EBF1: variants seen among roughly 807,000 people sequenced by gnomAD.
EBF1 encodes transcription factor COE1.
EBF1 carries 10 observed loss-of-function variants against 68.4 expected under a neutral mutation model. The ratio of observed to expected loss-of-function variants is 0.15; its 90% CI spans 0.09 to 0.25. The LOEUF is 0.25. Among genes scored for constraint, EBF1 ranks in the 10% least tolerant of loss-of-function variants. EBF1 has a pLI of 1.00. For missense variants in EBF1, 509 were observed against 794.4 expected (o/e 0.64, Z 4.32); for synonymous variants, 298 against 299.8 (o/e 0.99, Z 0.06).
chr5:158,713,507 C>T (rs1300046617), intron 12 of EBF1, among the ~76,000 whole-genome samples: 2 of 152,164 alleles, frequency 1.3e-5, no homozygotes, highest in African/African-American at 2.4e-5. Flanking sequence ...TTCCCAATAA[C>T]ATGTAGGAAG....
chr5:158,979,679 GA>G (rs142047197), intron 6 of EBF1, among the ~76,000 whole-genome samples: 44,791 of 144,818 alleles, frequency 0.31, 7,453 homozygotes, highest in South Asian at 0.53. Flanking sequence ...AATTTTTAAG[GA>G]AAAAAAAAAA....
chr5:158,974,752 A>G (rs1177427022), intron 6 of EBF1, among the ~76,000 whole-genome samples: 2 of 152,240 alleles, frequency 1.3e-5, no homozygotes. Flanking sequence ...TTAAGGAGAA[A>G]AAACAGCAAC....
intron 5 of EBF1, among the ~76,000 whole-genome samples, chr5:159,077,617 C>T (rs1006211231): frequency 3.3e-5 from 5 of 151,944 alleles, no homozygotes; most frequent in African/African-American, 9.7e-5. Flanking sequence ...GAGCCTGGCA[C>T]ACAGTATGCC....
intron 6 of EBF1, among the ~76,000 whole-genome samples, chr5:159,029,957 TAA>T (rs541130625): frequency 7.5e-6 from 1 of 132,646 alleles, no homozygotes. Flanking sequence ...AAACTCCTTC[TAA>T]AAAAAAAAAA....
At chr5:158,816,496 A>G (rs2127821707) in intron 8 of EBF1, among the ~76,000 whole-genome samples, 1 of 152,388 alleles carries the variant, frequency 6.6e-6, no homozygotes, top group South Asian at 2.1e-4. Context: ...AGAGTGAAAG[A>G]AATGACCTTC....
intron 6 of EBF1, among the ~76,000 whole-genome samples, chr5:159,060,915 G>C (rs2127866788): frequency 6.9e-6 from 1 of 145,430 alleles, no homozygotes; most frequent in Non-Finnish European, 1.5e-5. Flanking sequence ...TCTAGATTTA[G>C]AGAGGGTTAA....
intron 6 of EBF1, among the ~76,000 whole-genome samples, chr5:158,916,209 T>C (rs563523166): frequency 1.1e-4 from 16 of 152,280 alleles, no homozygotes; most frequent in African/African-American, 3.9e-4. Flanking sequence ...CCTTGAAACC[T>C]TAGTCAGGAT....
intron 10 of EBF1, among the ~76,000 whole-genome samples, chr5:158,746,307 T>C (rs1277898421): frequency 2.6e-5 from 4 of 152,206 alleles, no homozygotes; most frequent in African/African-American, 9.6e-5. Context: ...AGAACTCTTA[T>C]ACCCAGAAGG....
intron 6 of EBF1, among the ~76,000 whole-genome samples, chr5:158,911,993 T>C (rs1379253702): frequency 6.6e-6 from 1 of 152,180 alleles, no homozygotes; most frequent in African/African-American, 2.4e-5. Flanking sequence ...TGCTCTCTCT[T>C]CCATTTCTCC....
At chr5:158,752,327 CA>C (rs199938065) in intron 10 of EBF1, among the ~76,000 whole-genome samples, 5,579 of 104,882 alleles carry the variant, frequency 0.053, 92 homozygotes, top group Middle Eastern at 0.11. Flanking sequence ...GTATTTATTC[CA>C]AAAAAAAAAA....
At chr5:158,849,954 G>A (rs539996323) in intron 6 of EBF1, among the ~76,000 whole-genome samples, 5 of 152,208 alleles carry the variant, frequency 3.3e-5, no homozygotes, top group Non-Finnish European at 7.3e-5. Flanking sequence ...AATGTGAACA[G>A]TTAAGAGCTA....
chr5:158,748,492 A>G (rs533564370), intron 10 of EBF1, among the ~76,000 whole-genome samples: 5 of 152,282 alleles, frequency 3.3e-5, no homozygotes, highest in East Asian at 1.9e-4. Context: ...TTGAATGCAC[A>G]TATCAGTTAA....
intron 7 of EBF1, among the ~76,000 whole-genome samples, chr5:158,838,230 G>T (rs1460545945): frequency 1.3e-5 from 2 of 152,082 alleles, no homozygotes; most frequent in African/African-American, 2.4e-5. Flanking sequence ...CAGATCACAA[G>T]GTCAGGAGAT....
chr5:158,876,606 A>G (rs570799765), intron 6 of EBF1, among the ~76,000 whole-genome samples: 1 of 152,328 alleles, frequency 6.6e-6, no homozygotes, highest in South Asian at 2.1e-4. Context: ...CTTTCCATAA[A>G]AAGTTTCACG....
At chr5:159,015,864 C>G (rs2127696248) in intron 6 of EBF1, among the ~76,000 whole-genome samples, 1 of 152,296 alleles carries the variant, frequency 6.6e-6, no homozygotes, top group Non-Finnish European at 1.5e-5. Flanking sequence ...CACGTGTAGT[C>G]AAAACTACCC....
At chr5:159,061,039 A>C (rs1162966379) in intron 6 of EBF1, among the ~76,000 whole-genome samples, 1 of 152,044 alleles carries the variant, frequency 6.6e-6, no homozygotes, top group Non-Finnish European at 1.5e-5. Context: ...CTGTAGGAAG[A>C]AGTTTGAGAA....
At chr5:158,769,148 A>T (rs146484485) in intron 10 of EBF1, among the ~76,000 whole-genome samples, 2 of 152,300 alleles carry the variant, frequency 1.3e-5, no homozygotes, top group East Asian at 3.9e-4. Context: ...GGACCAGCTT[A>T]TCTGCTTCTT....
At chr5:158,987,842 A>G (rs1759408896) in intron 6 of EBF1, among the ~76,000 whole-genome samples, 1 of 152,236 alleles carries the variant, frequency 6.6e-6, no homozygotes, top group South Asian at 2.1e-4. Context: ...AAGCAATTGC[A>G]ACCAAGGCTA....
Position 159,042,868 on chromosome 5 carries a change from A to AT in EBF1, c.554+30527_554+30528insA, listed in dbSNP as rs1042813262. Reference sequence around the variant, plus strand: ...TTACCAAACATTCACAGTAAAAAAAAAAAAATAAAAAAGTTAAATAGGATG... The same window carrying AT: ...TTACCAAACATTCACAGTAAAAAAAATAAAAATAAAAAAGTTAAATAGGATG... On this transcript the variant is annotated intron_variant, in intron 6 of 15. Transcript: ENST00000313708. Among the ~76,000 whole-genome samples, 267 of 151,942 alleles carry AT rather than the reference A, an allele frequency of 1.8e-3. 1 individual carries two copies. Among genetic ancestry groups the AT allele is most frequent in the Middle Eastern group, 0.01 (3 of 294 alleles).
Sources: gnomAD v4.1 joint callset for allele counts (sites outside exome capture counted in the v4.1 genomes callset) on GRCh38, gnomAD v4.1.1 for gene constraint, MANE v1.5 for transcripts, NCBI Gene and HGNC (gene_info 2026-07-23, HGNC 2026-07-21) for gene names.